CDK17: variants seen among roughly 807,000 people sequenced by gnomAD.
The protein encoded by CDK17 is cyclin-dependent kinase 17.
Under a neutral mutation model 77.6 loss-of-function variants are expected in CDK17, and 24 were observed. The ratio of observed to expected loss-of-function variants is 0.31; its 90% CI spans 0.22 to 0.44. The LOEUF (loss-of-function observed/expected upper bound fraction) is 0.44, where lower values mean the gene tolerates loss of function less well. Ranked by LOEUF, CDK17 falls within the 20% of genes least tolerant of loss-of-function variation. CDK17 has a pLI of 1.00. For missense variants in CDK17, 429 were observed against 622.5 expected (o/e 0.69, Z 3.31); for synonymous variants, 203 against 210.4 (o/e 0.96, Z 0.30).
chr12:96,331,632 TAAG>T (rs1373637910), intron 2 of CDK17, among the ~76,000 whole-genome samples: 2 of 152,216 alleles, frequency 1.3e-5, no homozygotes, highest in African/African-American at 4.8e-5. Flanking sequence ...GTTATCAAAA[TAAG>T]AGAGATAATA....
chr12:96,313,212 GTCT>G lies in CDK17; in HGVS notation c.417+106_417+108del, dbSNP rs897703860. On this transcript the variant is annotated intron_variant, in intron 4 of 16. Coordinates refer to ENST00000261211, the MANE Select transcript of CDK17 (RefSeq NM_002595.5). The stretch of plus-strand genomic sequence containing the variant: ...AGTAACTTTCTTACAAGTGTCACGT[GTCT>G]TCATGAAAATTTTTAAATGGGCATT... 4 of 717,880 alleles carry G rather than the reference GTCT, an allele frequency of 5.6e-6. No homozygotes were observed. The African/African-American group carries it at 7.5e-5, about 13-fold the overall frequency. 44.5% of individuals were successfully genotyped at this position (717,880 alleles called of 1,614,324 possible).
intron 13 of CDK17, chr12:96,285,590 A>G (rs1351923793): frequency 6.6e-6 from 1 of 152,444 alleles, no homozygotes; most frequent in Non-Finnish European, 1.5e-5. Flanking sequence ...AGGTCTAAGA[A>G]GAAACTTAAA....
chr12:96,316,263 C>T (rs939864947), intron 3 of CDK17, among the ~76,000 whole-genome samples: 7 of 152,136 alleles, frequency 4.6e-5, no homozygotes, highest in Non-Finnish European at 7.3e-5. Context: ...TAAAAAACGG[C>T]GCACCACGAG....
Position 96,313,354 on chromosome 12 carries a change from G to A in CDK17, c.384C>T (p.Leu128=). ...AGATCCGTCTATGTATACGATTTCT[G>A]AGACAAACACCTGTAGGTGACTGGA... The part of the protein sequence containing the change: ...DEVQSPTGVC[L]RNRIHRRISM... Residue 128 remains leucine, a synonymous_variant, in exon 4 of 17, where the codon CTC becomes CTT. Coordinates refer to ENST00000261211, the MANE Select transcript of CDK17 (RefSeq NM_002595.5). The A allele has an allele frequency of 4.4e-6, 7 of 1,596,370 alleles. No individual in the cohort carries two copies. The highest frequency in any genetic ancestry group is 6.0e-6 in the Non-Finnish European group (7 of 1,173,652).
At chr12:96,390,639 G>A (rs375878976) in intron 1 of CDK17, among the ~76,000 whole-genome samples, 2 of 148,588 alleles carry the variant, frequency 1.3e-5, no homozygotes, top group African/African-American at 4.9e-5. Flanking sequence ...AACCTGGGAG[G>A]TGGAGATTGC....
At chr12:96,347,262 T>A (rs948253735) in intron 1 of CDK17, among the ~76,000 whole-genome samples, 1 of 151,890 alleles carries the variant, frequency 6.6e-6, no homozygotes, top group East Asian at 1.9e-4. Context: ...CAGACAGATT[T>A]ATAAAGAAAT....
chr12:96,299,536 G>A (rs993824145), intron 6 of CDK17, among the ~76,000 whole-genome samples: 43 of 151,942 alleles, frequency 2.8e-4, no homozygotes, highest in Admixed American at 2.6e-3. Flanking sequence ...GATTACAGGC[G>A]CCCGCCACCA....
chr12:96,345,441 C>T (rs572798287), intron 1 of CDK17, among the ~76,000 whole-genome samples: 20 of 152,342 alleles, frequency 1.3e-4, no homozygotes, highest in African/African-American at 4.6e-4. Context: ...TACATTCCCA[C>T]CAACAGTGTA....
chr12:96,296,881 T>C (rs1042822684), intron 9 of CDK17, among the ~76,000 whole-genome samples: 1 of 152,206 alleles, frequency 6.6e-6, no homozygotes, highest in African/African-American at 2.4e-5. Flanking sequence ...TTCTGAAAAG[T>C]TGTTGTTTTA....
intron 1 of CDK17, among the ~76,000 whole-genome samples, chr12:96,346,459 AAAT>A (rs1953212676): frequency 2.8e-4 from 1 of 3,570 alleles, no homozygotes; most frequent in Non-Finnish European, 7.3e-4. Context: ...CTCAAAAAAT[AAAT>A]AAATAAATAA....
chr12:96,375,510 C>CTT lies in CDK17; in HGVS notation c.-30+24474_-30+24475dup, dbSNP rs34451499. Reference sequence around the variant, plus strand: ...CCAAATTTCCATCTCTGATCCTAACCTTTTTTTTTTTTTTTTTTTTTGAGA... The same window carrying CTT: ...CCAAATTTCCATCTCTGATCCTAACCTTTTTTTTTTTTTTTTTTTTTTTGAGA... On this transcript the variant is annotated intron_variant, in intron 1 of 16. Transcript: ENST00000261211. Among the ~76,000 whole-genome samples the CTT allele has an allele frequency of 2.9e-3, 292 of 101,562 alleles. 13 individuals are homozygous for CTT. Among genetic ancestry groups the CTT allele is most frequent in the Middle Eastern group, 0.016 (3 of 182 alleles). The allele number at this position is 101,562 out of a possible 152,430, so 66.6% of individuals were successfully genotyped here. A position where few individuals can be genotyped will look rare whatever the true frequency, so the allele number is the denominator to read the frequency against.
chr12:96,332,886 ATAGT>A (rs1426990480), intron 2 of CDK17, among the ~76,000 whole-genome samples: 1 of 152,266 alleles, frequency 6.6e-6, no homozygotes, highest in Non-Finnish European at 1.5e-5. Context: ...ATGTTTTATG[ATAGT>A]TAATACCAAA....
chr12:96,339,683 A>G (rs780167426), intron 1 of CDK17, among the ~76,000 whole-genome samples: 7 of 152,076 alleles, frequency 4.6e-5, no homozygotes, highest in Non-Finnish European at 1.0e-4. Context: ...TAATCCCAGC[A>G]CTTTGAGAGG....
chr12:96,387,107 T>G, intron 1 of CDK17: 1 of 325,156 alleles, frequency 3.1e-6, no homozygotes, highest in East Asian at 9.8e-5. Flanking sequence ...CATCCACACC[T>G]GTGACTGTTC....
intron 1 of CDK17, among the ~76,000 whole-genome samples, chr12:96,339,630 T>C (rs1953094943): frequency 6.6e-6 from 1 of 151,930 alleles, no homozygotes; most frequent in African/African-American, 2.4e-5. Flanking sequence ...ATAACTATTA[T>C]ATTAATAACA....
intron 1 of CDK17, 94 bp from the exon 2 acceptor site, chr12:96,334,959 G>T (rs1196354318): frequency 7.2e-6 from 5 of 691,480 alleles, no homozygotes; most frequent in Admixed American, 4.3e-5. Context: ...TTTAAAATAG[G>T]AATATAATGA....
chr12:96,332,423 A>G (rs141223236), intron 2 of CDK17, among the ~76,000 whole-genome samples: 6 of 152,368 alleles, frequency 3.9e-5, no homozygotes, highest in Admixed American at 1.3e-4. Context: ...TTAAAAGTAT[A>G]TACGTGTCAT....
At chr12:96,360,615 A>G (rs746864038) in intron 1 of CDK17, among the ~76,000 whole-genome samples, 25 of 152,216 alleles carry the variant, frequency 1.6e-4, no homozygotes, top group Non-Finnish European at 1.5e-5. Flanking sequence ...GTTAGGAACT[A>G]AGGACAGAGA....
At chr12:96,362,961 G>A (rs561808870) in intron 1 of CDK17, among the ~76,000 whole-genome samples, 1 of 152,128 alleles carries the variant, frequency 6.6e-6, no homozygotes, top group South Asian at 2.1e-4. Context: ...CAGCATCCAA[G>A]GTACAGTGAT....
Sources: gnomAD v4.1 joint callset for allele counts (sites outside exome capture counted in the v4.1 genomes callset) on GRCh38, gnomAD v4.1.1 for gene constraint, MANE v1.5 for transcripts, NCBI Gene and HGNC (gene_info 2026-07-23, HGNC 2026-07-21) for gene names.